The following CAB39 variants were observed in gnomAD, a reference collection of about 807,000 sequenced individuals.
The protein encoded by CAB39 is calcium binding protein 39, also known as calcium-binding protein 39.
Under a neutral mutation model 40.0 loss-of-function variants are expected in CAB39, and 8 were observed. That is an observed-to-expected ratio of 0.20 (90% CI 0.12 to 0.36). CAB39 has a LOEUF of 0.36. CAB39 is among the 10% of genes least tolerant of loss of function. CAB39 has a pLI of 1.00. For missense variants in CAB39, 270 were observed against 401.1 expected, an observed-to-expected ratio of 0.67 and a Z score of 2.79; for synonymous variants, 156 against 141.6, an observed-to-expected ratio of 1.10 and a Z score of -0.72.
chr2:230,813,673 G>T (rs969182432), intron 6 of CAB39, among the ~76,000 whole-genome samples: 1 of 152,096 alleles, frequency 6.6e-6, no homozygotes, highest in Non-Finnish European at 1.5e-5. Flanking sequence ...CTAACATCAA[G>T]ATATGAGAGC....
chr2:230,749,005 C>T (rs1160889351), intron 1 of CAB39, among the ~76,000 whole-genome samples: 8 of 144,330 alleles, frequency 5.5e-5, no homozygotes, highest in African/African-American at 2.1e-4. Context: ...CCCCCCGCCC[C>T]CGTGTTTTTT....
intron 4 of CAB39, among the ~76,000 whole-genome samples, chr2:230,794,680 C>A (rs75224085): frequency 6.6e-6 from 1 of 152,120 alleles, no homozygotes; most frequent in African/African-American, 2.4e-5. Flanking sequence ...GTGGGCCCAC[C>A]GGAAGCCCCG....
intron 1 of CAB39, among the ~76,000 whole-genome samples, chr2:230,722,223 A>G (rs761703492): frequency 6.6e-6 from 1 of 152,226 alleles, no homozygotes; most frequent in Non-Finnish European, 1.5e-5. Context: ...TTTATGAACT[A>G]CTAAAATCAG....
At chr2:230,789,310 G>A (rs775522503) in intron 2 of CAB39, among the ~76,000 whole-genome samples, 3 of 152,088 alleles carry the variant, frequency 2.0e-5, no homozygotes, top group Non-Finnish European at 4.4e-5. Context: ...CTATTTTAAT[G>A]TCCTTATTGA....
At chr2:230,765,093 T>C (rs1695361854) in intron 2 of CAB39, among the ~76,000 whole-genome samples, 1 of 152,212 alleles carries the variant, frequency 6.6e-6, no homozygotes, top group African/African-American at 2.4e-5. Context: ...TTCAAGAGAT[T>C]GTCCTGCCTC....
rs187025835 is a variant in CAB39, at chr2:230,780,472, G to A, written c.115-10400G>A. On this transcript the variant is annotated intron_variant, in intron 2 of 8. Coordinates refer to ENST00000258418, the MANE Select transcript of CAB39 (RefSeq NM_016289.4). The stretch of plus-strand genomic sequence containing the variant: ...GATCACACGTTACATGTAAGGAGTC[G>A]TAACATCTCCCTAGGTCTCCTTTAA... Among the ~76,000 whole-genome samples the A allele has an allele frequency of 2.4e-4, 37 of 152,268 alleles. No individual in the cohort carries two copies. The East Asian group carries it at 3.7e-3, about 15-fold the overall frequency.
At chr2:230,748,813 GAAAAAAAAAA>G (rs759314442) in intron 1 of CAB39, among the ~76,000 whole-genome samples, 3 of 31,768 alleles carry the variant, frequency 9.4e-5, no homozygotes, top group African/African-American at 3.2e-4. Context: ...TTTCCAAAAA[GAAAAAAAAAA>G]AAAAAAAAAT....
At chr2:230,815,920 A>G (rs1467055026) in intron 7 of CAB39, among the ~76,000 whole-genome samples, 4 of 152,208 alleles carry the variant, frequency 2.6e-5, no homozygotes, top group African/African-American at 9.7e-5. Context: ...TTATTCCCAT[A>G]TTTATGTCGC....
chr2:230,743,223 T>C lies in CAB39; in HGVS notation c.-43-16736T>C, dbSNP rs1297998105. On this transcript the variant is annotated intron_variant, in intron 1 of 8. Coordinates refer to ENST00000258418, the MANE Select transcript of CAB39 (RefSeq NM_016289.4). The stretch of plus-strand genomic sequence containing the variant: ...GCAGTTTCTTTCCCTTCACTCACTC[T>C]ATATGACTTCCACAGACAACTAGGC... Among the ~76,000 whole-genome samples the C allele has an allele frequency of 2.0e-5, 3 of 152,058 alleles. No individual in the cohort carries two copies. The East Asian group carries it at 5.8e-4, about 29-fold the overall frequency.
At position 230,714,767 on chromosome 2, in the gene CAB39, G is replaced by A. The variant is rs1694319714; in HGVS notation, c.-44+1537G>A. Among the ~76,000 whole-genome samples, 4 of 152,184 alleles carry A rather than the reference G, an allele frequency of 2.6e-5. No individual in the cohort carries two copies. In the South Asian group the frequency reaches 8.3e-4, roughly 31 times the overall value. On this transcript the variant is annotated intron_variant, in intron 1 of 8. Transcript: ENST00000258418. ...CTTTATAGTAGAGCCAGAAGTGAAA[G>A]TGTTTAGCTTTATTTTGTAGTTTGT...
intron 2 of CAB39, among the ~76,000 whole-genome samples, chr2:230,763,005 T>TG (rs1695322094): frequency 6.6e-6 from 1 of 152,242 alleles, no homozygotes; most frequent in Non-Finnish European, 1.5e-5. Flanking sequence ...AAGAGATTCG[T>TG]GTAAGTATAG....
chr2:230,768,986 A>G (rs1485354967), intron 2 of CAB39, among the ~76,000 whole-genome samples: 1 of 152,202 alleles, frequency 6.6e-6, no homozygotes, highest in East Asian at 1.9e-4. Context: ...AAGAATCCCT[A>G]CTATATGGTG....
chr2:230,754,438 C>CCCCTCCTTCTTCCCCTTT (rs764257604), intron 1 of CAB39, among the ~76,000 whole-genome samples: 7,836 of 127,280 alleles, frequency 0.062, 548 homozygotes, highest in Non-Finnish European at 0.093. Flanking sequence ...TCTTCCCCTT[C>CCCCTCCTTCTTCCCCTTT]CCCTCCTTCT....
At chr2:230,784,928 C>T (rs1695762548) in intron 2 of CAB39, among the ~76,000 whole-genome samples, 1 of 152,172 alleles carries the variant, frequency 6.6e-6, no homozygotes, top group Non-Finnish European at 1.5e-5. Context: ...TCACATTTTA[C>T]ACTTTATCCT....
chr2:230,767,487 A>G (rs534871133), intron 2 of CAB39, among the ~76,000 whole-genome samples: 1 of 152,342 alleles, frequency 6.6e-6, no homozygotes, highest in East Asian at 1.9e-4. Context: ...ACATGAGTCA[A>G]ATAATATATT....
Position 230,814,081 on chromosome 2 carries a change from A to G in CAB39, c.660A>G (p.Ser220=). The stretch of plus-strand genomic sequence containing the variant: ...GTGAATATGAGAAGTTACTTCATTC[A>G]GAAAATTATGTGACAAAAAGACAGT... The part of the protein sequence containing the change: ...FFSEYEKLLH[S]ENYVTKRQSL... Residue 220 remains serine, a synonymous_variant, in exon 7 of 9, where the codon TCA becomes TCG. Coordinates refer to ENST00000258418, the MANE Select transcript of CAB39 (RefSeq NM_016289.4). 1 of 1,472,856 alleles carries G rather than the reference A, an allele frequency of 6.8e-7. No homozygotes were observed. The highest frequency in any genetic ancestry group is 9.3e-7 in the Non-Finnish European group (1 of 1,076,258). 91.2% of individuals were successfully genotyped at this position (1,472,856 alleles called of 1,614,324 possible).
intron 1 of CAB39, among the ~76,000 whole-genome samples, chr2:230,737,739 A>G (rs949956841): frequency 3.9e-5 from 6 of 152,220 alleles, no homozygotes; most frequent in African/African-American, 1.4e-4. Flanking sequence ...GAATGGTTTT[A>G]GGCCTCTCAC....
intron 1 of CAB39, among the ~76,000 whole-genome samples, chr2:230,719,752 C>G (rs796156294): frequency 8.5e-5 from 13 of 152,230 alleles, no homozygotes; most frequent in African/African-American, 2.9e-4. Flanking sequence ...ATTATTATAC[C>G]AAGGGCCCCA....
chr2:230,808,570 TCTC>T (rs1201829480), intron 5 of CAB39, among the ~76,000 whole-genome samples: 1 of 152,222 alleles, frequency 6.6e-6, no homozygotes, highest in African/African-American at 2.4e-5. Context: ...ACTTTCTTCT[TCTC>T]CTTCCCCTGG....
Sources: allele counts gnomAD v4.1 joint callset (sites outside exome capture counted in the v4.1 genomes callset), GRCh38; gene constraint gnomAD v4.1.1; transcripts MANE v1.5; gene names NCBI Gene and HGNC (gene_info 2026-07-23, HGNC 2026-07-21).